CDK19: variants seen among roughly 807,000 people sequenced by gnomAD.
CDK19 encodes the protein cyclin dependent kinase 19, also known as cyclin-dependent kinase 19.
In CDK19, 20 loss-of-function variants were observed where a neutral mutation model predicts 68.3. The observed-to-expected ratio is 0.29, with a 90% confidence interval of 0.21 to 0.43. CDK19 has a LOEUF of 0.43. Among genes scored for constraint, CDK19 ranks in the 20% least tolerant of loss-of-function variants. The pLI is 1.00. For synonymous variants in CDK19, 221 were observed against 222.8 expected (o/e 0.99, Z 0.07); for missense variants, 339 against 623.5 (o/e 0.54, Z 4.86).
chr6:110,811,412 C>T (rs1225236323), intron 1 of CDK19, among the ~76,000 whole-genome samples: 1 of 152,094 alleles, frequency 6.6e-6, no homozygotes, highest in Non-Finnish European at 1.5e-5. Flanking sequence ...AGGCACCACG[C>T]TCGGCTAATT....
intron 1 of CDK19, among the ~76,000 whole-genome samples, chr6:110,799,075 T>C (rs1292124): frequency 0.29 from 42,140 of 146,250 alleles, 6,660 homozygotes; most frequent in East Asian, 0.68. Flanking sequence ...GCCAGGAGGT[T>C]GAGGTTGCAG....
Position 110,746,186 on chromosome 6 carries a change from T to C in CDK19, c.144A>G (p.Glu48=). 3.1e-6 allele frequency: 5 copies of C among 1,599,952 alleles called. No individual in the cohort carries two copies. In the South Asian group the frequency reaches 5.6e-5, roughly 18 times the overall value. ...ARRKDGKDEK[E]YALKQIEGTG... is the part of the protein sequence containing the mutation. ...TGCCTTCAATTTGCTTCAATGCATA[T>C]TCCTTTTCATCTTTTCTGCACATAA... Residue 48 remains glutamate (E), a synonymous_variant, in exon 2 of 13, where the codon GAA becomes GAG. Transcript: ENST00000368911.
intron 2 of CDK19, among the ~76,000 whole-genome samples, chr6:110,714,931 A>T (rs111833483): frequency 0.047 from 7,131 of 151,594 alleles, 172 homozygotes; most frequent in Middle Eastern, 0.076. Flanking sequence ...ACGGGATTTC[A>T]CCATGTTGTC....
chr6:110,785,147 T>A (rs929211572), intron 1 of CDK19, among the ~76,000 whole-genome samples: 2 of 147,954 alleles, frequency 1.4e-5, no homozygotes, highest in African/African-American at 4.9e-5. Context: ...CACTAATTCA[T>A]CAATCAGTCA....
At chr6:110,618,453 C>A (rs537758054) in intron 12 of CDK19, among the ~76,000 whole-genome samples, 2 of 152,314 alleles carry the variant, frequency 1.3e-5, no homozygotes, top group South Asian at 4.1e-4. Flanking sequence ...TTGCGTATAC[C>A]CACACTCCCC....
intron 1 of CDK19, among the ~76,000 whole-genome samples, chr6:110,752,683 T>C (rs767057359): frequency 2.6e-5 from 4 of 152,236 alleles, no homozygotes; most frequent in Non-Finnish European, 5.9e-5. Context: ...TGACAACAGT[T>C]TGATTATGTC....
chr6:110,774,071 T>C (rs1157091723), intron 1 of CDK19: 1 of 152,112 alleles, frequency 6.6e-6, no homozygotes, highest in Non-Finnish European at 1.5e-5. Flanking sequence ...GATTTGACAA[T>C]GAGCATATCA....
intron 4 of CDK19, among the ~76,000 whole-genome samples, chr6:110,644,421 G>GA: frequency 6.6e-6 from 1 of 152,176 alleles, no homozygotes; most frequent in East Asian, 1.9e-4. Context: ...ACAAAAAATA[G>GA]AAAGAATAAA....
chr6:110,767,996 GA>G lies in CDK19; in HGVS notation c.129-21796del, dbSNP rs545828197. Among the ~76,000 whole-genome samples the G allele has an allele frequency of 5.6e-4, 85 of 152,066 alleles. 1 individual carries two copies. Among genetic ancestry groups the G allele is most frequent in the South Asian group, 1.0e-3 (5 of 4,818 alleles). Reference sequence around the variant, plus strand: ...AAGAACTCTTAAAACTCAACAATAAGAAAACAGACAGCCCTCCTTTCTTGAG... The same window carrying G: ...AAGAACTCTTAAAACTCAACAATAAGAAACAGACAGCCCTCCTTTCTTGAG... On this transcript the variant is annotated intron_variant, in intron 1 of 12. Coordinates refer to ENST00000368911, the MANE Select transcript of CDK19 (RefSeq NM_015076.5).
intron 1 of CDK19, among the ~76,000 whole-genome samples, chr6:110,791,965 T>A (rs1256695707): frequency 6.7e-6 from 1 of 150,154 alleles, no homozygotes; most frequent in Non-Finnish European, 1.5e-5. Flanking sequence ...GTTTTCTAAT[T>A]TTTTCTTAAA....
At chr6:110,750,994 C>A (rs1778437629) in intron 1 of CDK19, among the ~76,000 whole-genome samples, 1 of 152,122 alleles carries the variant, frequency 6.6e-6, no homozygotes, top group African/African-American at 2.4e-5. Context: ...TGCCACCACG[C>A]CCAGCTAATT....
rs183293005 is a variant in CDK19 at position 110,650,923 on chromosome 6, G to A, written c.457-12217C>T. 9.5e-4 allele frequency among the ~76,000 whole-genome samples: 144 copies of A among 152,308 alleles called. 2 individuals carry two copies. Among genetic ancestry groups the A allele is most frequent in the Admixed American group, 3.3e-3 (51 of 15,300 alleles). The stretch of plus-strand genomic sequence containing the variant: ...GGCCTGTGCTTTGGCAGTTGGGGAG[G>A]ACTGCTACTGCTACAAGGTTTGCAG... On this transcript the variant is annotated intron_variant, in intron 4 of 12. Transcript: ENST00000368911.
At position 110,610,178 on chromosome 6, in the gene CDK19, G is replaced by A. The variant is rs1013662929; in HGVS notation, c.*4357C>T. On this transcript the variant is annotated 3_prime_UTR_variant, in exon 13 of 13. Coordinates refer to ENST00000368911, the MANE Select transcript of CDK19 (RefSeq NM_015076.5). ...GGCTCTGAGCACAAACCTCGCAGTG[G>A]AGCACGAAAAGCTACAGTCATCTCT... 6.6e-6 allele frequency: 1 copy of A among 152,262 alleles called. No individual in the cohort carries two copies. The highest frequency in any genetic ancestry group is 1.5e-5 in the Non-Finnish European group (1 of 68,032). 9.4% of individuals were successfully genotyped at this position (152,262 alleles called of 1,614,324 possible). A position where few individuals can be genotyped will look rare whatever the true frequency, so the allele number is the denominator to read the frequency against.
chr6:110,662,259 C>T (rs1389391344), intron 4 of CDK19, among the ~76,000 whole-genome samples: 1 of 152,162 alleles, frequency 6.6e-6, no homozygotes, highest in Non-Finnish European at 1.5e-5. Flanking sequence ...CATGAGCCAC[C>T]ACACCTGGCC....
chr6:110,683,396 G>A (rs569868657), intron 2 of CDK19, among the ~76,000 whole-genome samples: 2 of 151,972 alleles, frequency 1.3e-5, no homozygotes, highest in African/African-American at 2.4e-5. Context: ...TAACCACTCC[G>A]GTTAGCTTTG....
At chr6:110,640,893 G>A (rs190117647) in intron 4 of CDK19, among the ~76,000 whole-genome samples, 4 of 152,248 alleles carry the variant, frequency 2.6e-5, no homozygotes, top group Non-Finnish European at 5.9e-5. Flanking sequence ...GGAGGTCGAG[G>A]CTAGAGTGAG....
intron 2 of CDK19, among the ~76,000 whole-genome samples, chr6:110,682,683 A>T (rs1772117719): frequency 6.6e-6 from 1 of 152,184 alleles, no homozygotes; most frequent in South Asian, 2.1e-4. Context: ...CCCAGTTGAA[A>T]TGACAGTGAG....
chr6:110,783,240 T>C (rs1583091293), intron 1 of CDK19, among the ~76,000 whole-genome samples: 2 of 152,332 alleles, frequency 1.3e-5, no homozygotes, highest in Middle Eastern at 6.8e-3. Context: ...GCAAGGACCA[T>C]CATTAAATTT....
intron 2 of CDK19, among the ~76,000 whole-genome samples, chr6:110,678,311 A>T (rs1013587268): frequency 3.3e-5 from 5 of 152,092 alleles, no homozygotes; most frequent in African/African-American, 9.6e-5. Flanking sequence ...TCTCCCCTGA[A>T]CACCAGCTAT....
Sources: gnomAD v4.1 joint callset for allele counts (sites outside exome capture counted in the v4.1 genomes callset) on GRCh38, gnomAD v4.1.1 for gene constraint, MANE v1.5 for transcripts, NCBI Gene and HGNC (gene_info 2026-07-23, HGNC 2026-07-21) for gene names.